The following HEATR1 variants were observed in gnomAD, a reference collection of about 807,000 sequenced individuals.
HEATR1 encodes HEAT repeat containing 1.
A neutral mutation model predicts 248.2 loss-of-function variants in HEATR1; 77 were observed. The ratio of observed to expected loss-of-function variants is 0.31; its 90% confidence interval spans 0.26 to 0.37. HEATR1 has a LOEUF of 0.37. Among genes scored for constraint, HEATR1 ranks in the 10% least tolerant of loss-of-function variants. HEATR1 has a pLI of 1.00. For missense variants in HEATR1, 2,420 were observed against 2,504.9 expected (o/e 0.97, Z 0.72); for synonymous variants, 897 against 923.1 (o/e 0.97, Z 0.51).
At chr1:236,593,946 C>A in intron 9 of HEATR1, 66 bp downstream of exon 9, 5 of 1,071,884 alleles carry the variant, frequency 4.7e-6, no homozygotes, top group Admixed American at 2.3e-5. Context: ...AATTTCTAAC[C>A]AATCTTGAAA....
At position 236,571,887 on chromosome 1, in the gene HEATR1, T is replaced by C. The variant is rs541672798; in HGVS notation, c.3708-201A>G. 2.0e-5 allele frequency among the ~76,000 whole-genome samples: 3 copies of C among 152,314 alleles called. No individual in the cohort carries two copies. In the East Asian group the frequency reaches 5.8e-4, roughly 29 times the overall value. On this transcript the variant is annotated intron_variant, in intron 26 of 44. Coordinates refer to ENST00000366582, the MANE Select transcript of HEATR1 (RefSeq NM_018072.6). ...TTTTCTCTCATATAGACAGGCGCTA[T>C]GTCAAATTCCACGTCCTCTCTATTG...
At chr1:236,603,460 CT>C in intron 2 of HEATR1, 84 bp from the exon 3 acceptor site, 1 of 1,061,072 alleles carries the variant, frequency 9.4e-7, no homozygotes, top group East Asian at 2.4e-5. Flanking sequence ...TTACTTACCC[CT>C]AAGAAGTTTC....
In HEATR1 at chr1:236,603,289, A is replaced by C; in HGVS notation, c.230T>G (p.Leu77Trp). 1 of 1,614,196 alleles carries C rather than the reference A, an allele frequency of 6.2e-7. No homozygotes were observed. ...APLFSQLAKT[L>W]ERSVQTKAVN... ...TGCTTTGGTCTGAACACTTCGCTCC[A>C]AGGTTTTTGCTAGCTGACTGAACAA... The change falls in exon 3 of 45, where the codon TTG (leucine) becomes TGG (tryptophan). Residue 77 changes from leucine (L) to tryptophan (W), a missense_variant. Coordinates refer to ENST00000366582, the MANE Select transcript of HEATR1 (RefSeq NM_018072.6).
In HEATR1 at chr1:236,587,460, T is replaced by C; in HGVS notation, c.1657A>G (p.Thr553Ala). The C allele has an allele frequency of 6.5e-7, 1 of 1,544,452 alleles. No individual in the cohort carries two copies. The highest frequency in any genetic ancestry group is 2.3e-5 in the East Asian group (1 of 43,082). ...IFKEHFSSEV[T>A]ISNLLNLFQR... ...AAGAGATTCAGAAGATTTGAAATCG[T>C]CACTTCTGAACTGAAGTGTTCTTTG... Residue 553 changes from threonine (T) to alanine (A), a missense_variant, in exon 14 of 45, where the codon ACG becomes GCG. Physicochemically the swap from Thr to Ala is moderately conservative, Grantham distance 58. Coordinates refer to ENST00000366582, the MANE Select transcript of HEATR1 (RefSeq NM_018072.6).
chr1:236,603,061 C>T, intron 3 of HEATR1, 99 bp downstream of exon 3: 1 of 809,406 alleles, frequency 1.2e-6, no homozygotes, highest in Non-Finnish European at 2.1e-6. Context: ...CTTAATATAC[C>T]TAATTTTTCA....
chr1:236,583,902 A>G (rs965275704), intron 17 of HEATR1, among the ~76,000 whole-genome samples: 1 of 152,180 alleles, frequency 6.6e-6, no homozygotes, highest in African/African-American at 2.4e-5. Flanking sequence ...CATGGCAAAA[A>G]TCTCCAAACC....
chr1:236,565,212 AG>A (rs1198394142), intron 31 of HEATR1, among the ~76,000 whole-genome samples: 2 of 152,256 alleles, frequency 1.3e-5, no homozygotes, highest in Admixed American at 6.5e-5. Flanking sequence ...CTGGCCACGC[AG>A]AAAACAGTCT....
chr1:236,574,307 T>C lies in HEATR1; in HGVS notation c.3354A>G (p.Ile1118Met), dbSNP rs1663508214. The C allele has an allele frequency of 3.1e-6, 5 of 1,610,106 alleles. No individual in the cohort carries two copies. The highest frequency in any genetic ancestry group is 2.2e-5 in the South Asian group (2 of 90,216). ...EKITKPFFAA[I>M]SDEKVQQKLL... ...GCTTCTGCTGAACTTTTTCATCTGA[T>C]ATGGCTGCAAAAAATGGTTTTGTAA... The change falls in exon 24 of 45, where the codon ATA becomes ATG. Residue 1118 changes from isoleucine to methionine, a missense_variant. Transcript: ENST00000366582.
At chr1:236,592,978 T>C (rs1184843516) in intron 9 of HEATR1, among the ~76,000 whole-genome samples, 5 of 152,190 alleles carry the variant, frequency 3.3e-5, no homozygotes, top group Admixed American at 1.3e-4. Context: ...GCGGATCACC[T>C]GAGGACAGGA....
intron 12 of HEATR1, among the ~76,000 whole-genome samples, chr1:236,588,742 T>A (rs1459818436): frequency 2.0e-5 from 3 of 152,238 alleles, no homozygotes; most frequent in Admixed American, 2.0e-4. Flanking sequence ...CCTATCTATA[T>A]GTGGCAGGCA....
chr1:236,566,391 C>T (rs181934854), intron 30 of HEATR1, among the ~76,000 whole-genome samples: 99 of 151,092 alleles, frequency 6.6e-4, no homozygotes, highest in African/African-American at 1.8e-3. Context: ...GAACCACTTG[C>T]GTGGCACCAG....
chr1:236,588,132 A>G, intron 12 of HEATR1, 89 bp from the exon 13 acceptor site: 1 of 920,616 alleles, frequency 1.1e-6, no homozygotes, highest in Non-Finnish European at 1.7e-6. Context: ...TTTGTGAAAA[A>G]CACTCCAGAA....
chr1:236,554,549 C>T (rs74827320), intron 42 of HEATR1, 49 bp downstream of exon 42: 27,469 of 1,577,766 alleles, frequency 0.017, 887 homozygotes, highest in East Asian at 0.13. Flanking sequence ...CTGCCAAGCT[C>T]GAACAGTGAT....
chr1:236,590,790 A>T, intron 12 of HEATR1, 57 bp downstream of exon 12: 1 of 851,806 alleles, frequency 1.2e-6, no homozygotes, highest in Non-Finnish European at 1.7e-6. Flanking sequence ...CTTATTCAGA[A>T]TTACACTGCT....
At chr1:236,558,177 G>C in intron 36 of HEATR1, 60 bp downstream of exon 36, 1 of 1,474,418 alleles carries the variant, frequency 6.8e-7, no homozygotes, top group Admixed American at 2.2e-5. Flanking sequence ...TCACCAAAGT[G>C]TTATTTTTCA....
At chr1:236,581,493 C>A in intron 19 of HEATR1, 79 bp from the exon 20 acceptor site, 1 of 1,001,858 alleles carries the variant, frequency 1.0e-6, no homozygotes, top group Non-Finnish European at 1.4e-6. Flanking sequence ...CACTAGTGTA[C>A]AATTATAAAG....
chr1:236,603,918 C>T (rs758447618), intron 2 of HEATR1, 36 bp downstream of exon 2: 3 of 1,576,238 alleles, frequency 1.9e-6, no homozygotes, highest in South Asian at 2.4e-5. Context: ...AAAACAAACG[C>T]TTCCAAGAGC....
Position 236,597,933 on chromosome 1 carries a change from T to C in HEATR1, c.548A>G (p.Tyr183Cys), listed in dbSNP as rs749639043. The change falls in exon 5 of 45, where the codon TAC (tyrosine) becomes TGC (cysteine). Residue 183 changes from tyrosine (Y) to cysteine (C), a missense_variant. Tyr to Cys is a radical substitution (Grantham distance 194, BLOSUM62 -2). Coordinates refer to ENST00000366582, the MANE Select transcript of HEATR1 (RefSeq NM_018072.6). ...LAKGTLITHC[Y>C]KDLGFMDFIC... Reference sequence around the variant, plus strand: ...GAAATCCATGAATCCAAGATCTTTGTAGCAGTGGGTAATCAAAGTTCCTTT... The same window carrying C: ...GAAATCCATGAATCCAAGATCTTTGCAGCAGTGGGTAATCAAAGTTCCTTT... 2.5e-6 allele frequency: 4 copies of C among 1,613,880 alleles called. No individual in the cohort carries two copies. The highest frequency in any genetic ancestry group is 3.4e-6 in the Non-Finnish European group (4 of 1,179,914).
chr1:236,570,984 T>C (rs547801832), intron 28 of HEATR1, among the ~76,000 whole-genome samples: 25 of 152,378 alleles, frequency 1.6e-4, no homozygotes, highest in African/African-American at 5.8e-4. Context: ...AAGGTTACTT[T>C]GAGGATTACT....
Sources: allele counts gnomAD v4.1 joint callset (sites outside exome capture counted in the v4.1 genomes callset), GRCh38; gene constraint gnomAD v4.1.1; transcripts MANE v1.5; gene names NCBI Gene and HGNC (gene_info 2026-07-23, HGNC 2026-07-21).